Variants in FRMD4B observed in about 807,000 individuals in gnomAD.
FRMD4B encodes FERM domain-containing protein 4B.
FRMD4B carries 74 observed loss-of-function variants against 141.5 expected under a neutral mutation model. The ratio of observed to expected loss-of-function variants is 0.52; its 90% CI spans 0.43 to 0.63. FRMD4B has a LOEUF of 0.63. FRMD4B is among the 30% of genes least tolerant of loss of function. The pLI is 0.00. For missense variants in FRMD4B, 1,366 were observed against 1,253.4 expected, an observed-to-expected ratio of 1.09 and a Z score of -1.36; for synonymous variants, 506 against 467.9, an observed-to-expected ratio of 1.08 and a Z score of -1.05.
At chr3:69,366,467 G>A (rs1263911847) in intron 1 of FRMD4B, among the ~76,000 whole-genome samples, 1 of 103,466 alleles carries the variant, frequency 9.7e-6, no homozygotes, top group African/African-American at 4.3e-5. Context: ...ATCTCACCTC[G>A]TGATCATGGT....
intron 1 of FRMD4B, chr3:69,334,471 A>C (rs866569210): frequency 1.5e-5 from 1 of 64,540 alleles, no homozygotes; most frequent in African/African-American, 5.6e-5. Context: ...TTATCTCTAC[A>C]AAAAAAAAAA....
At chr3:69,317,093 A>G (rs550888569) in intron 1 of FRMD4B, among the ~76,000 whole-genome samples, 1 of 151,610 alleles carries the variant, frequency 6.6e-6, no homozygotes, top group Non-Finnish European at 1.5e-5. Context: ...AAAAAAAATC[A>G]TCTTTTTTTG....
At chr3:69,502,182 T>C (rs908665010) in intron 1 of FRMD4B, among the ~76,000 whole-genome samples, 4 of 152,168 alleles carry the variant, frequency 2.6e-5, no homozygotes, top group Non-Finnish European at 4.4e-5. Flanking sequence ...AAAAAGCTAC[T>C]TTAAAGTTCA....
intron 1 of FRMD4B, among the ~76,000 whole-genome samples, chr3:69,532,717 C>T (rs17006071): frequency 0.24 from 36,491 of 152,092 alleles, 4,679 homozygotes; most frequent in African/African-American, 0.31. Flanking sequence ...GTGCCTGTCC[C>T]GCATTCTGGT....
At chr3:69,198,913 T>C in intron 11 of FRMD4B, 139 bp from the exon 12 acceptor site, 1 of 621,502 alleles carries the variant, frequency 1.6e-6, no homozygotes, top group East Asian at 2.8e-5. Flanking sequence ...ATTCAGCCTT[T>C]TTACAAATCA....
intron 1 of FRMD4B, among the ~76,000 whole-genome samples, chr3:69,316,875 A>G (rs2107258511): frequency 6.6e-6 from 1 of 152,344 alleles, no homozygotes; most frequent in Admixed American, 6.5e-5. Flanking sequence ...TAATCTCAGC[A>G]CTTTGAGAGG....
chr3:69,207,549 C>A (rs557698164), intron 11 of FRMD4B, among the ~76,000 whole-genome samples: 1 of 152,130 alleles, frequency 6.6e-6, no homozygotes, highest in Non-Finnish European at 1.5e-5. Flanking sequence ...GTGGCTCATG[C>A]CTGTAATCCC....
intron 1 of FRMD4B, among the ~76,000 whole-genome samples, chr3:69,539,339 C>A (rs1233644950): frequency 2.0e-5 from 3 of 152,144 alleles, no homozygotes; most frequent in Admixed American, 6.5e-5. Context: ...AACTAGAGGC[C>A]AGCGACAATA....
chr3:69,451,021 G>A (rs1705488733), intron 1 of FRMD4B, among the ~76,000 whole-genome samples: 2 of 152,138 alleles, frequency 1.3e-5, no homozygotes, highest in Admixed American at 6.5e-5. Context: ...CAAGGCTGCG[G>A]CCATATCCTA....
chr3:69,301,289 A>G (rs1701210359), intron 4 of FRMD4B, among the ~76,000 whole-genome samples: 1 of 152,154 alleles, frequency 6.6e-6, no homozygotes, highest in Non-Finnish European at 1.5e-5. Context: ...TTTCACCTCA[A>G]GCTAGGTAGA....
chr3:69,196,834 G>A (rs1362189151), intron 13 of FRMD4B, 66 bp downstream of exon 13: 1 of 1,215,158 alleles, frequency 8.2e-7, no homozygotes, highest in Non-Finnish European at 1.2e-6. Flanking sequence ...TTTGTGAGAA[G>A]GCTTATCTTC....
intron 1 of FRMD4B, among the ~76,000 whole-genome samples, chr3:69,464,670 G>C (rs554012513): frequency 1.3e-5 from 2 of 152,260 alleles, no homozygotes; most frequent in South Asian, 4.1e-4. Context: ...TGAATTAATG[G>C]ATCCATCACT....
chr3:69,291,638 G>A (rs375807174), intron 4 of FRMD4B, among the ~76,000 whole-genome samples: 1 of 152,192 alleles, frequency 6.6e-6, no homozygotes, highest in Non-Finnish European at 1.5e-5. Flanking sequence ...TCACCCTGGA[G>A]AATAAACTTG....
chr3:69,295,520 C>T (rs1701009611), intron 4 of FRMD4B, among the ~76,000 whole-genome samples: 1 of 152,104 alleles, frequency 6.6e-6, no homozygotes, highest in Non-Finnish European at 1.5e-5. Context: ...CAGAGTTTCG[C>T]CATGATGCCC....
intron 19 of FRMD4B, among the ~76,000 whole-genome samples, chr3:69,183,568 C>T (rs531426518): frequency 2.0e-5 from 3 of 150,502 alleles, no homozygotes; most frequent in East Asian, 3.9e-4. Flanking sequence ...CTGCAAGCCC[C>T]GCCTCCTGGG....
chr3:69,388,622 C>T (rs1704318512), upstream of FRMD4B, among the ~76,000 whole-genome samples: 1 of 152,138 alleles, frequency 6.6e-6, no homozygotes, highest in African/African-American at 2.4e-5. Flanking sequence ...ATATAAGCTC[C>T]TTAAGTCAAC....
In FRMD4B at chr3:69,169,266, T is replaced by C. The variant is rs2092563485; in HGVS notation, c.*2595A>G. On this transcript the variant is annotated 3_prime_UTR_variant, in exon 23 of 23. Coordinates refer to ENST00000398540, the MANE Select transcript of FRMD4B (RefSeq NM_015123.3). The stretch of plus-strand genomic sequence containing the variant: ...GCTTTTAATAAATAACGTAGTTTAA[T>C]TGGTTTAATACCAATGCGGTTGAGA... 6.6e-6 allele frequency among the ~76,000 whole-genome samples: 1 copy of C among 152,282 alleles called. No homozygotes were observed. Among genetic ancestry groups the C allele is most frequent in the Non-Finnish European group, 1.5e-5 (1 of 68,024 alleles).
intron 1 of FRMD4B, among the ~76,000 whole-genome samples, chr3:69,341,782 C>A (rs1702746612): frequency 6.6e-6 from 1 of 152,204 alleles, no homozygotes; most frequent in Non-Finnish European, 1.5e-5. Context: ...CAGCATTTGG[C>A]AAGCTTGCCT....
chr3:69,486,998 A>G (rs1044643387), intron 1 of FRMD4B, among the ~76,000 whole-genome samples: 2 of 152,102 alleles, frequency 1.3e-5, no homozygotes, highest in Non-Finnish European at 2.9e-5. Context: ...ATTACCCTAG[A>G]CCTTGCCTTT....
Sources: gnomAD v4.1 joint callset for allele counts (sites outside exome capture counted in the v4.1 genomes callset) on GRCh38, gnomAD v4.1.1 for gene constraint, MANE v1.5 for transcripts, NCBI Gene and HGNC (gene_info 2026-07-23, HGNC 2026-07-21) for gene names.